ATXN2L: variants seen among roughly 807,000 people sequenced by gnomAD.
ATXN2L encodes ataxin-2-like protein.
A neutral mutation model predicts 120.7 loss-of-function variants in ATXN2L; 24 were observed. The observed-to-expected ratio is 0.20, with a 90% CI of 0.14 to 0.28. The LOEUF is 0.28. ATXN2L is among the 10% of genes least tolerant of loss of function. ATXN2L has a pLI of 1.00. For missense variants in ATXN2L, 1,312 were observed against 1,432.3 expected (o/e 0.92, Z 1.36); for synonymous variants, 653 against 568.1 (o/e 1.15, Z -2.13).
Position 28,823,537 on chromosome 16 carries a change from C to A in ATXN2L, c.278C>A (p.Ala93Glu). ...CAGCAACACCAGGAGAGGCCGGGGG[C>A]AGCCGCCATCGGCAGCGCCAGGTGA... ...PPQQHQERPG[A>E]AAIGSARGQS... Residue 93 changes from alanine (A) to glutamate (E), a missense_variant, in exon 1 of 22, where the codon GCA becomes GAA. Ala to Glu is a moderately radical substitution (Grantham distance 107). Transcript: ENST00000336783. The A allele has an allele frequency of 7.3e-7, 1 of 1,370,700 alleles. No homozygotes were observed. The highest frequency in any genetic ancestry group is 9.4e-7 in the Non-Finnish European group (1 of 1,064,532). The allele number at this position is 1,370,700 out of a possible 1,614,324, so 84.9% of individuals were successfully genotyped here.
At position 28,823,448 on chromosome 16, in the gene ATXN2L, C is replaced by T. The variant is rs1140131; in HGVS notation, c.189C>T (p.Ala63=). The T allele has an allele frequency of 6.9e-3, 9,101 of 1,324,572 alleles. 490 individuals are homozygous for T. In the African/African-American group the frequency reaches 0.12, roughly 17 times the overall value. 82.1% of individuals were successfully genotyped at this position (1,324,572 alleles called of 1,614,324 possible). The part of the protein sequence containing the change: ...AAASPCLGPV[A]AAGSGLRRGA... ...CCTCCCCCTGCCTGGGGCCTGTGGC[C>T]GCTGCCGGGAGCGGGCTCCGCCGGG... Residue 63 remains alanine, a synonymous_variant, in exon 1 of 22, where the codon GCC becomes GCT. Coordinates refer to ENST00000336783, the MANE Select transcript of ATXN2L (RefSeq NM_007245.4).
intron 20 of ATXN2L, 54 bp from the exon 21 acceptor site, chr16:28,835,495 G>T: frequency 6.2e-7 from 1 of 1,610,134 alleles, no homozygotes; most frequent in Non-Finnish European, 8.5e-7. Context: ...GGCGAGGACT[G>T]GGGGCCAGCG....
Position 28,837,101 on chromosome 16 carries a change from CT to C in ATXN2L, c.*839del. ...TTCAGACTTGGGCCCCCTGTTCTTT[CT>C]TTCCCATTAACTTGAGTGACCTGTG... is the stretch of plus-strand genomic sequence containing the variant. On this transcript the variant is annotated 3_prime_UTR_variant, in exon 22 of 22. Coordinates refer to ENST00000336783, the MANE Select transcript of ATXN2L (RefSeq NM_007245.4). 1 of 523,068 alleles carries C rather than the reference CT, an allele frequency of 1.9e-6. No individual in the cohort carries two copies. Among genetic ancestry groups the C allele is most frequent in the South Asian group, 1.6e-5 (1 of 63,884 alleles). The allele number at this position is 523,068 out of a possible 1,614,324, so 32.4% of individuals were successfully genotyped here. A position where few individuals can be genotyped will look rare whatever the true frequency, so the allele number is the denominator to read the frequency against.
rs546657599 is a variant in ATXN2L at position 28,832,810 on chromosome 16, C to T, written c.1589-7C>T. ...GTATTTTCTTCTTTTTGACTGTTTT[C>T]TCATAGTCCCTGGTCTTCAGAATGA... is the stretch of plus-strand genomic sequence containing the variant. On this transcript the variant is annotated splice_polypyrimidine_tract_variant and splice_region_variant and intron_variant, in intron 12 of 21. Transcript: ENST00000336783. 87 of 1,613,854 alleles carry T rather than the reference C, an allele frequency of 5.4e-5. 1 individual carries two copies. The highest frequency in any genetic ancestry group is 7.1e-5 in the Non-Finnish European group (84 of 1,179,810).
chr16:28,834,911 A>G, intron 18 of ATXN2L, 147 bp from the exon 19 acceptor site: 1 of 1,218,456 alleles, frequency 8.2e-7, no homozygotes, highest in South Asian at 1.5e-5. Context: ...TAGAGAAAAT[A>G]GTGTCTGCTG....
rs184869232 is a variant in ATXN2L at position 28,831,314 on chromosome 16, A to T, written c.1321+242A>T. Among the ~76,000 whole-genome samples the T allele has an allele frequency of 7.5e-4, 114 of 152,052 alleles. 4 individuals carry two copies. In the East Asian group the frequency reaches 0.016, roughly 21 times the overall value. ...TTGTTTAGATTTGAATCAGTTGCTA[A>T]GTTTTGTTTTGTTTTGTTTTTTTCT... On this transcript the variant is annotated intron_variant, in intron 10 of 21. Coordinates refer to ENST00000336783, the MANE Select transcript of ATXN2L (RefSeq NM_007245.4).
rs777173031 is a variant in ATXN2L, at chr16:28,823,295, G to A, written c.36G>A (p.Gln12=). 1 of 1,494,714 alleles carries A rather than the reference G, an allele frequency of 6.7e-7. No individual in the cohort carries two copies. The highest frequency in any genetic ancestry group is 8.9e-7 in the Non-Finnish European group (1 of 1,123,088). 92.6% of individuals were successfully genotyped at this position (1,494,714 alleles called of 1,614,324 possible). ...LKPQPLQQPS[Q]PQQPPPTQQA... is the part of the protein sequence containing the mutation. ...CTCAGCCGCTACAACAGCCCTCCCA[G>A]CCCCAGCAGCCGCCCCCCACGCAAC... The change falls in exon 1 of 22, where the codon CAG becomes CAA. Residue 12 remains glutamine, a synonymous_variant. Transcript: ENST00000336783.
intron 15 of ATXN2L, 86 bp from the exon 16 acceptor site, chr16:28,833,979 C>T (rs2055538182): frequency 2.7e-6 from 4 of 1,457,532 alleles, no homozygotes; most frequent in Non-Finnish European, 3.8e-6. Context: ...TGCAGCATTT[C>T]ACGAATGTTA....
rs1294851745 is a variant in ATXN2L at position 28,835,354 on chromosome 16, T to A, written c.2640T>A (p.Thr880=). ...AGCCGCAGCCGGCTACCACGCCTAC[T>A]GGAAGCCAGCCGCAGTCCCAGCATG... ...AHQPQPATTP[T]GSQPQSQHAA... is the part of the protein sequence containing the mutation. The change falls in exon 20 of 22, where the codon ACT becomes ACA. Residue 880 remains threonine (T), a synonymous_variant. Coordinates refer to ENST00000336783, the MANE Select transcript of ATXN2L (RefSeq NM_007245.4). The A allele has an allele frequency of 6.2e-7, 1 of 1,613,456 alleles. No individual in the cohort carries two copies. The highest frequency in any genetic ancestry group is 2.2e-5 in the East Asian group (1 of 44,876).
chr16:28,824,201 G>T, intron 1 of ATXN2L: 2 of 1,030,586 alleles, frequency 1.9e-6, no homozygotes, highest in Non-Finnish European at 2.3e-6. Flanking sequence ...CGCGCCCCGG[G>T]AACACCTAGG....
Position 28,831,050 on chromosome 16 carries a change from T to G in ATXN2L, c.1299T>G (p.Thr433=). 6.2e-7 allele frequency: 1 copy of G among 1,610,150 alleles called. No individual in the cohort carries two copies. Among genetic ancestry groups the G allele is most frequent in the Non-Finnish European group, 8.5e-7 (1 of 1,178,558 alleles). The change falls in exon 10 of 22, where the codon ACT becomes ACG. Residue 433 remains threonine (T), a synonymous_variant. Coordinates refer to ENST00000336783, the MANE Select transcript of ATXN2L (RefSeq NM_007245.4). ...CCAGTAATAGGCCTTCTGGAGAAAC[T>G]TCTGTTCCACCTCCTCCTGCAGGTA... ...SSPSNRPSGE[T]SVPPPPAVGR... is the part of the protein sequence containing the mutation.
At chr16:28,826,792 G>C in intron 5 of ATXN2L, 70 bp from the exon 6 acceptor site, 4 of 1,476,450 alleles carry the variant, frequency 2.7e-6, no homozygotes, top group Non-Finnish European at 3.6e-6. Context: ...CGGAGAGTGG[G>C]GTTGGGGGAT....
intron 6 of ATXN2L, 109 bp downstream of exon 6, chr16:28,827,095 T>C: frequency 4.4e-6 from 5 of 1,137,182 alleles, no homozygotes; most frequent in Non-Finnish European, 5.8e-6. Flanking sequence ...CCATTGATGG[T>C]AGTCAGATAA....
At position 28,823,217 on chromosome 16, in the gene ATXN2L, T is replaced by A; in HGVS notation, c.-43T>A. On this transcript the variant is annotated 5_prime_UTR_variant, in exon 1 of 22. Coordinates refer to ENST00000336783, the MANE Select transcript of ATXN2L (RefSeq NM_007245.4). ...GCGGGGCCCCAGCCCCGGCCCCCTC[T>A]CTCCCTCCCTTCTCTCTAATTCCCC... The A allele has an allele frequency of 2.7e-6, 3 of 1,102,750 alleles. No homozygotes were observed. The highest frequency in any genetic ancestry group is 3.5e-6 in the Non-Finnish European group (3 of 857,422). 68.3% of individuals were successfully genotyped at this position (1,102,750 alleles called of 1,614,324 possible). A position where few individuals can be genotyped will look rare whatever the true frequency, so the allele number is the denominator to read the frequency against.
rs994056262 is a variant in ATXN2L at position 28,834,825 on chromosome 16, G to A, written c.2433+132G>A. Reference sequence around the variant, plus strand: ...GGGATCGGCCCTCTGTGGTATTGGCGGTGTCAGACTTGGGCTTGAGCCCTG... The same window carrying A: ...GGGATCGGCCCTCTGTGGTATTGGCAGTGTCAGACTTGGGCTTGAGCCCTG... On this transcript the variant is annotated intron_variant, in intron 18 of 21. Transcript: ENST00000336783. The A allele has an allele frequency of 5.7e-5, 70 of 1,238,806 alleles. No homozygotes were observed. The Middle Eastern group carries it at 7.8e-4, about 14-fold the overall frequency. The allele number at this position is 1,238,806 out of a possible 1,614,324, so 76.7% of individuals were successfully genotyped here. A position where few individuals can be genotyped will look rare whatever the true frequency, so the allele number is the denominator to read the frequency against.
intron 8 of ATXN2L, 117 bp from the exon 9 acceptor site, chr16:28,830,498 C>A: frequency 1.0e-6 from 1 of 978,606 alleles, no homozygotes; most frequent in Non-Finnish European, 1.5e-6. Flanking sequence ...GTGCTGGAGC[C>A]AGGCAGTGTG....
chr16:28,837,057 A>G lies in ATXN2L; in HGVS notation c.*792A>G, dbSNP rs1465822333. 1.6e-6 allele frequency: 1 copy of G among 612,596 alleles called. No homozygotes were observed. Among genetic ancestry groups the G allele is most frequent in the South Asian group, 1.5e-5 (1 of 65,404 alleles). The allele number at this position is 612,596 out of a possible 1,614,324, so 37.9% of individuals were successfully genotyped here. A position where few individuals can be genotyped will look rare whatever the true frequency, so the allele number is the denominator to read the frequency against. ...CCCCGCTGGAGACGGAAGATCTTTTATTTTCTATTATTTATAACTTCAGAC... is the reference window on the plus strand; with the variant it reads ...CCCCGCTGGAGACGGAAGATCTTTTGTTTTCTATTATTTATAACTTCAGAC... On this transcript the variant is annotated 3_prime_UTR_variant, in exon 22 of 22. Transcript: ENST00000336783.
Position 28,833,369 on chromosome 16 carries a change from G to C in ATXN2L, c.1955+15G>C, listed in dbSNP as rs1227048102. ...CCTGTTGCTGAGTGAGTGGAGCGGGGTGGGGCTCTGGGAGGATGGCAGGAG... is the reference window on the plus strand; with the variant it reads ...CCTGTTGCTGAGTGAGTGGAGCGGGCTGGGGCTCTGGGAGGATGGCAGGAG... On this transcript the variant is annotated intron_variant, in intron 14 of 21. Transcript: ENST00000336783. 6.2e-7 allele frequency: 1 copy of C among 1,613,568 alleles called. No homozygotes were observed. Among genetic ancestry groups the C allele is most frequent in the African/African-American group, 1.3e-5 (1 of 74,938 alleles).
At position 28,834,224 on chromosome 16, in the gene ATXN2L, A is replaced by T. The variant is rs755702410; in HGVS notation, c.2172+13A>T. The T allele has an allele frequency of 6.2e-7, 1 of 1,612,116 alleles. No individual in the cohort carries two copies. Among genetic ancestry groups the T allele is most frequent in the Non-Finnish European group, 8.5e-7 (1 of 1,178,548 alleles). On this transcript the variant is annotated intron_variant, in intron 16 of 21. Coordinates refer to ENST00000336783, the MANE Select transcript of ATXN2L (RefSeq NM_007245.4). ...ACCAGCTGTGCAGGTATGCAGAGAGACTGGCCGGGCCCAGGGTTAGCGGGG... is the reference window on the plus strand; with the variant it reads ...ACCAGCTGTGCAGGTATGCAGAGAGTCTGGCCGGGCCCAGGGTTAGCGGGG...
Sources: allele counts gnomAD v4.1 joint callset (sites outside exome capture counted in the v4.1 genomes callset), GRCh38; gene constraint gnomAD v4.1.1; transcripts MANE v1.5; gene names NCBI Gene and HGNC (gene_info 2026-07-23, HGNC 2026-07-21).